Variants in HYDIN observed in about 807,000 individuals in gnomAD.
The protein encoded by HYDIN is axonemal central pair apparatus protein HYDIN.
Under a neutral mutation model 403.9 loss-of-function variants are expected in HYDIN, and 132 were observed. The ratio of observed to expected loss-of-function variants is 0.33; its 90% CI spans 0.28 to 0.38. HYDIN has a LOEUF of 0.38. Ranked by LOEUF, HYDIN falls within the 10% of genes least tolerant of loss-of-function variation. The probability of loss-of-function intolerance (pLI) is 1.00; values close to 1 mark genes in which losing one functional copy is unlikely to be tolerated. For missense variants in HYDIN, 2,827 were observed against 5,009.5 expected, an observed-to-expected ratio of 0.56 and a Z score of 13.15; for synonymous variants, 1,202 against 1,891.7, an observed-to-expected ratio of 0.64 and a Z score of 9.46.
At chr16:70,926,309 T>C (rs1163208663) in intron 45 of HYDIN, among the ~76,000 whole-genome samples, 2 of 151,938 alleles carry the variant, frequency 1.3e-5, no homozygotes, top group South Asian at 4.2e-4. Flanking sequence ...ATGTCCTTTG[T>C]AGGGACATGG....
At position 70,908,691 on chromosome 16, in the gene HYDIN, G is replaced by C. The variant is rs1243889634; in HGVS notation, c.8175C>G (p.Asp2725Glu). 1.2e-6 allele frequency: 2 copies of C among 1,607,642 alleles called. No homozygotes were observed. Among genetic ancestry groups the C allele is most frequent in the East Asian group, 4.5e-5 (2 of 44,606 alleles). Residue 2725 changes from aspartate to glutamate, a missense_variant, in exon 48 of 86, where the codon GAC becomes GAG. Coordinates refer to ENST00000393567, the MANE Select transcript of HYDIN (RefSeq NM_001270974.2). ...TISQLSDTDL[D>E]NFNGQHSQEK... The stretch of plus-strand genomic sequence containing the variant: ...CCTGGGAGTGCTGCCCGTTGAAGTT[G>C]TCCAGGTCTGTATCTGACAGCTGGG...
intron 85 of HYDIN, among the ~76,000 whole-genome samples, chr16:70,808,480 C>T (rs562854678): frequency 6.6e-6 from 1 of 152,202 alleles, no homozygotes; most frequent in South Asian, 2.1e-4. Flanking sequence ...CCTTTCATTG[C>T]CAATTTAACT....
chr16:70,807,741 CA>C lies in HYDIN; in HGVS notation c.15204del (p.Val5069CysfsTer28). 6.2e-7 allele frequency: 1 copy of C among 1,614,164 alleles called. No homozygotes were observed. The highest frequency in any genetic ancestry group is 8.5e-7 in the Non-Finnish European group (1 of 1,180,036). On this transcript the variant is annotated frameshift_variant, in exon 86 of 86. Transcript: ENST00000393567. LOFTEE classifies it high-confidence loss of function. ...NPAFTIRAGE[S>X]VRPKKINNIT... is the part of the protein sequence containing the mutation. ...ATGTTGTTGATCTTCTTGGGCCGCA[CA>C]GACTCTCCAGCGCGAATGGTGAAGG...
intron 18 of HYDIN, among the ~76,000 whole-genome samples, chr16:71,059,193 T>C (rs1414924511): frequency 2.6e-5 from 4 of 152,192 alleles, no homozygotes; most frequent in African/African-American, 4.8e-5. Flanking sequence ...TAGTTTCTTT[T>C]AGAATCTTTG....
At chr16:71,115,421 GT>G (rs1277363303) in intron 10 of HYDIN, among the ~76,000 whole-genome samples, 2 of 152,120 alleles carry the variant, frequency 1.3e-5, no homozygotes, top group African/African-American at 4.8e-5. Context: ...ATCTCGGGCA[GT>G]TATTATTAGC....
intron 59 of HYDIN, 97 bp from the exon 60 acceptor site, chr16:70,882,992 T>C (rs1233697702): frequency 1.7e-5 from 17 of 991,720 alleles, no homozygotes; most frequent in Admixed American, 3.5e-5. Flanking sequence ...CAAAGGAGAA[T>C]TGTGGAGGAC....
intron 23 of HYDIN, among the ~76,000 whole-genome samples, chr16:70,999,434 A>C (rs899308087): frequency 3.3e-5 from 5 of 152,078 alleles, no homozygotes; most frequent in African/African-American, 1.2e-4. Context: ...GGAACTATGA[A>C]GCACTTGATA....
At chr16:71,170,762 C>T (rs910780451) in intron 5 of HYDIN, among the ~76,000 whole-genome samples, 4 of 151,922 alleles carry the variant, frequency 2.6e-5, no homozygotes, top group South Asian at 4.2e-4. Flanking sequence ...TGTGGTTATG[C>T]TAACTTTTAA....
chr16:71,129,853 G>C, intron 8 of HYDIN, 30 bp from the exon 9 acceptor site: 2 of 1,577,130 alleles, frequency 1.3e-6, no homozygotes, highest in South Asian at 2.3e-5. Context: ...TGAGATTCAT[G>C]TGGGTACTCC....
intron 83 of HYDIN, among the ~76,000 whole-genome samples, chr16:70,821,834 G>C (rs1430874840): frequency 6.6e-6 from 1 of 152,018 alleles, no homozygotes; most frequent in Non-Finnish European, 1.5e-5. Context: ...ACAAATCCTG[G>C]ATGACAGCAC....
chr16:71,047,773 T>C (rs903911519), intron 18 of HYDIN, among the ~76,000 whole-genome samples: 2 of 150,642 alleles, frequency 1.3e-5, no homozygotes, highest in African/African-American at 4.9e-5. Context: ...CTTTGATACA[T>C]GTATACAATG....
intron 10 of HYDIN, among the ~76,000 whole-genome samples, chr16:71,107,508 C>G (rs1250242007): frequency 1.3e-5 from 2 of 149,832 alleles, no homozygotes; most frequent in African/African-American, 4.9e-5. Context: ...AAAAAGTCGG[C>G]AAAAAAATGA....
chr16:71,136,369 T>G (rs2084917928), intron 8 of HYDIN, among the ~76,000 whole-genome samples: 2 of 146,744 alleles, frequency 1.4e-5, no homozygotes, highest in Non-Finnish European at 3.0e-5. Context: ...AAGCCCTTCT[T>G]TTTCCTCAAT....
intron 1 of HYDIN, among the ~76,000 whole-genome samples, chr16:71,206,981 G>C (rs983932691): frequency 2.6e-5 from 4 of 152,192 alleles, no homozygotes; most frequent in Admixed American, 2.6e-4. Context: ...TGGGAGAAAG[G>C]AAGCAACCTG....
At chr16:70,833,766 G>A (rs905151426) in intron 79 of HYDIN, 121 bp downstream of exon 79, 1 of 646,530 alleles carries the variant, frequency 1.5e-6, no homozygotes, top group Non-Finnish European at 2.7e-6. Context: ...AGGGAAGCAG[G>A]GGGATGTAGA....
intron 1 of HYDIN, among the ~76,000 whole-genome samples, chr16:71,212,397 A>T (rs171014): frequency 0.17 from 26,258 of 152,120 alleles, 2,937 homozygotes; most frequent in Middle Eastern, 0.38. Flanking sequence ...TTAACAAGGA[A>T]TGACTCTAAT....
At chr16:70,852,706 T>C (rs2038735507) in intron 73 of HYDIN, 1 of 152,092 alleles carries the variant, frequency 6.6e-6, no homozygotes, top group Non-Finnish European at 1.5e-5. Context: ...ATGTGTTGTA[T>C]GAAAGGAGAG....
chr16:71,216,274 A>C (rs563117991), intron 1 of HYDIN, among the ~76,000 whole-genome samples: 18 of 152,244 alleles, frequency 1.2e-4, no homozygotes, highest in Non-Finnish European at 2.5e-4. Flanking sequence ...TAATATCACA[A>C]ATCAATAAAG....
chr16:71,069,176 G>A, intron 14 of HYDIN, 91 bp downstream of exon 14: 6 of 1,428,408 alleles, frequency 4.2e-6, no homozygotes, highest in Non-Finnish European at 5.8e-6. Flanking sequence ...GCTGACACTG[G>A]ACATGCTAGA....
Sources: gnomAD v4.1 joint callset for allele counts (sites outside exome capture counted in the v4.1 genomes callset) on GRCh38, gnomAD v4.1.1 for gene constraint, MANE v1.5 for transcripts, NCBI Gene and HGNC (gene_info 2026-07-23, HGNC 2026-07-21) for gene names.